Variants in PCDH15 observed in about 807,000 individuals in gnomAD.
PCDH15 encodes protocadherin-15.
PCDH15 carries 129 observed loss-of-function variants against 178.5 expected under a neutral mutation model. The ratio of observed to expected loss-of-function variants is 0.72; its 90% CI spans 0.63 to 0.84. The LOEUF (loss-of-function observed/expected upper bound fraction) is 0.84. PCDH15 is among the 40% of genes least tolerant of loss of function. The pLI is 0.00. For missense variants in PCDH15, 2,230 were observed against 2,099.9 expected, an observed-to-expected ratio of 1.06 and a Z score of -1.21; for synonymous variants, 800 against 732.0, an observed-to-expected ratio of 1.09 and a Z score of -1.50.
At chr10:54,514,681 A>C (rs1490845018) in intron 3 of PCDH15, among the ~76,000 whole-genome samples, 1 of 151,768 alleles carries the variant, frequency 6.6e-6, no homozygotes, top group East Asian at 1.9e-4. Context: ...AAAAAAAAAA[A>C]AACAGTTTTA....
chr10:54,966,875 A>G (rs1838807082), intron 2 of PCDH15, among the ~76,000 whole-genome samples: 1 of 152,140 alleles, frequency 6.6e-6, no homozygotes, highest in Non-Finnish European at 1.5e-5. Context: ...AGCCTCAGGT[A>G]TATCTTTATC....
intron 8 of PCDH15, among the ~76,000 whole-genome samples, chr10:54,268,993 A>G (rs1172908480): frequency 6.6e-6 from 1 of 151,788 alleles, no homozygotes; most frequent in Non-Finnish European, 1.5e-5. Flanking sequence ...TTTCCTTTCA[A>G]AGATCCTTAA....
intron 7 of PCDH15, 88 bp from the exon 8 acceptor site, chr10:54,317,529 C>T (rs1591769116): frequency 1.4e-6 from 2 of 1,466,574 alleles, no homozygotes; most frequent in East Asian, 2.3e-5. Flanking sequence ...AATCCCAGAA[C>T]TTTGGGAGGC....
rs932865050 is a variant in PCDH15 at position 55,042,052 on chromosome 10, G to A, written c.-80+124524C>T. 7.9e-5 allele frequency among the ~76,000 whole-genome samples: 12 copies of A among 152,188 alleles called. No homozygotes were observed. The South Asian group carries it at 2.1e-3, about 26-fold the overall frequency. On this transcript the variant is annotated intron_variant, in intron 2 of 5. Coordinates refer to the PCDH15 transcript ENST00000458638. ...CATAAGGCTTATTCAGATACAAGGC[G>A]GGAAGAGTTAGCACAGCCAGTGTGG...
chr10:53,951,236 C>T (rs2087002230), intron 23 of PCDH15, among the ~76,000 whole-genome samples: 1 of 152,094 alleles, frequency 6.6e-6, no homozygotes, highest in Non-Finnish European at 1.5e-5. Flanking sequence ...TACCTAATCA[C>T]TTGAATGGTT....
chr10:53,916,244 G>A (rs906798571), intron 25 of PCDH15, among the ~76,000 whole-genome samples: 7 of 152,232 alleles, frequency 4.6e-5, no homozygotes, highest in African/African-American at 1.7e-4. Context: ...CAGAACCCAT[G>A]GATACAGAAT....
intron 2 of PCDH15, among the ~76,000 whole-genome samples, chr10:55,333,771 G>A (rs1473634155): frequency 1.3e-5 from 2 of 151,578 alleles, no homozygotes; most frequent in Admixed American, 1.3e-4. Flanking sequence ...GTCAGTGCCG[G>A]TTACATAATT....
intron 13 of PCDH15, among the ~76,000 whole-genome samples, chr10:54,162,340 C>T (rs1203400935): frequency 6.6e-6 from 1 of 152,116 alleles, no homozygotes; most frequent in African/African-American, 2.4e-5. Flanking sequence ...CTTCTTCCTC[C>T]TATGAATGGA....
At chr10:54,220,975 T>C (rs2052741799) in intron 9 of PCDH15, among the ~76,000 whole-genome samples, 1 of 151,978 alleles carries the variant, frequency 6.6e-6, no homozygotes, top group Non-Finnish European at 1.5e-5. Flanking sequence ...CTAAGAACAC[T>C]TAATGTTTGT....
intron 2 of PCDH15, among the ~76,000 whole-genome samples, chr10:55,061,918 G>T (rs72801628): frequency 0.36 from 54,479 of 152,068 alleles, 11,594 homozygotes; most frequent in Non-Finnish European, 0.48. Flanking sequence ...TACTCAGGAG[G>T]CTGAGGCAAG....
chr10:54,637,679 C>G lies in PCDH15; in HGVS notation c.91+26493G>C, dbSNP rs117073927. Among the ~76,000 whole-genome samples, 982 of 152,032 alleles carry G rather than the reference C, an allele frequency of 6.5e-3. 38 individuals are homozygous for G. Among genetic ancestry groups the G allele is most frequent in the Admixed American group, 0.055 (843 of 15,244 alleles). On this transcript the variant is annotated intron_variant, in intron 2 of 37. Transcript: ENST00000644397. ...AGGTCAGCTGACTGGTGAATTTTAT[C>G]TTCAATAAATTCTCATTTGCTATGT...
intron 2 of PCDH15, among the ~76,000 whole-genome samples, chr10:55,047,619 C>G (rs879689026): frequency 4.1e-4 from 62 of 151,808 alleles, no homozygotes; most frequent in Non-Finnish European, 5.2e-4. Context: ...TGGAGAGATG[C>G]AAGGGTACTT....
intron 2 of PCDH15, among the ~76,000 whole-genome samples, chr10:55,414,745 A>G (rs895597185): frequency 6.7e-6 from 1 of 148,992 alleles, no homozygotes; most frequent in South Asian, 2.1e-4. Flanking sequence ...AACTTTACTG[A>G]ATTCATATAT....
intron 2 of PCDH15, among the ~76,000 whole-genome samples, chr10:55,350,065 C>T (rs1482917863): frequency 6.6e-6 from 1 of 151,486 alleles, no homozygotes; most frequent in Non-Finnish European, 1.5e-5. Flanking sequence ...ACACTCAATC[C>T]CTTTCACCAT....
chr10:54,289,228 AG>A (rs2059235062), intron 8 of PCDH15, among the ~76,000 whole-genome samples: 2 of 152,332 alleles, frequency 1.3e-5, no homozygotes, highest in South Asian at 2.1e-4. Flanking sequence ...CTAGGCAAAC[AG>A]GGTCTGGAGT....
At chr10:55,089,555 T>C (rs1842262436) in intron 2 of PCDH15, among the ~76,000 whole-genome samples, 1 of 152,116 alleles carries the variant, frequency 6.6e-6, no homozygotes, top group South Asian at 2.1e-4. Context: ...TCCCCATGAT[T>C]GAGATTTTTC....
intron 3 of PCDH15, among the ~76,000 whole-genome samples, chr10:54,829,595 C>G (rs1405459011): frequency 6.6e-6 from 1 of 151,832 alleles, no homozygotes; most frequent in African/African-American, 2.4e-5. Context: ...TTTAGTGAGC[C>G]CAAATTAATT....
chr10:54,512,226 C>T (rs899815710), intron 3 of PCDH15, among the ~76,000 whole-genome samples: 9 of 151,936 alleles, frequency 5.9e-5, no homozygotes, highest in Admixed American at 3.3e-4. Flanking sequence ...AGTAAGAGTT[C>T]TTATTAAATT....
intron 20 of PCDH15, among the ~76,000 whole-genome samples, chr10:54,016,759 T>TA (rs563597286): frequency 3.3e-5 from 5 of 152,134 alleles, no homozygotes; most frequent in South Asian, 4.1e-4. Flanking sequence ...AGAGTGAGGA[T>TA]AAAAAAACTA....
Sources: allele counts gnomAD v4.1 joint callset (sites outside exome capture counted in the v4.1 genomes callset), GRCh38; gene constraint gnomAD v4.1.1; transcripts MANE v1.5; gene names NCBI Gene and HGNC (gene_info 2026-07-23, HGNC 2026-07-21).